Variants in ZNF185 observed in about 807,000 individuals in gnomAD.
ZNF185 encodes the protein zinc finger protein 185 with LIM domain.
Under a neutral mutation model 58.6 loss-of-function variants are expected in ZNF185, and 56 were observed. That is an observed-to-expected ratio of 0.95 (90% CI 0.77 to 1.19). The LOEUF (loss-of-function observed/expected upper bound fraction) is 1.19, where lower values mean the gene tolerates loss of function less well. ZNF185 is among the 50% of genes most tolerant of loss of function. The pLI, the probability that ZNF185 is intolerant of heterozygous loss-of-function variation, is 0.00. For synonymous variants in ZNF185, 230 were observed against 215.9 expected (o/e 1.07, Z -0.57); for missense variants, 627 against 573.5 (o/e 1.09, Z -0.95).
upstream of ZNF185, among the ~76,000 whole-genome samples, chrX:152,912,937 G>A (rs905238699): frequency 8.9e-6 from 1 of 112,974 alleles, no homozygotes; most frequent in Non-Finnish European, 1.9e-5. Flanking sequence ...GGCTGGGCAC[G>A]CGGGGCTCCC....
chrX:152,928,352 T>C (rs782689103), intron 11 of ZNF185, among the ~76,000 whole-genome samples: 1 of 111,686 alleles, frequency 9.0e-6, no homozygotes, highest in Admixed American at 9.5e-5. Flanking sequence ...TTGCTGTGCC[T>C]GAGGGAGGGC....
At chrX:152,945,118 T>C (rs73244141) in intron 15 of ZNF185, 149 bp from the exon 18 acceptor site, 27 of 591,697 alleles carry the variant, frequency 4.6e-5, no homozygotes, top group African/African-American at 6.9e-5. Context: ...CTCCCTGGAA[T>C]TGGGGCTGTG....
At chrX:152,956,294 A>G (rs1376344084) in intron 16 of ZNF185, among the ~76,000 whole-genome samples, 1 of 112,039 alleles carries the variant, frequency 8.9e-6, no homozygotes, top group Middle Eastern at 4.2e-3. Flanking sequence ...CGAAGAGTCT[A>G]CTCACTTCAC....
chrX:152,922,618 T>G (rs1327643963), intron 10 of ZNF185, 102 bp from the exon 12 acceptor site: 1 of 776,677 alleles, frequency 1.3e-6, no homozygotes, highest in Non-Finnish European at 1.9e-6. Flanking sequence ...CATGCCATTG[T>G]CAGACTTGCT....
intron 15 of ZNF185, among the ~76,000 whole-genome samples, chrX:152,939,776 G>T (rs868981756): frequency 1.6e-4 from 8 of 49,847 alleles, no homozygotes; most frequent in East Asian, 8.4e-4. Context: ...AATCAGAGGT[G>T]TTTTTTTTTT....
rs1556915268 is a variant in ZNF185, at chrX:152,967,166, G to GCGT, written c.1801_1803dup (p.Val601dup). 3.3e-6 allele frequency: 4 copies of GCGT among 1,210,651 alleles called. No homozygotes were observed. Among genetic ancestry groups the GCGT allele is most frequent in the Admixed American group, 2.2e-5 (1 of 46,044 alleles). On this transcript the variant is annotated inframe_insertion and splice_region_variant. Coordinates refer to ENST00000449285, the Ensembl canonical transcript of ZNF185. ...CCTCTCCCCTATCAAACTCCCTGCAGCGTCAGCAGCATTGAGGACTCATTC... is the reference window on the plus strand; with the variant it reads ...CCTCTCCCCTATCAAACTCCCTGCAGCGTCGTCAGCAGCATTGAGGACTCATTC...
Position 152,946,391 on chromosome X carries a change from A to G in ZNF185, c.1409+927A>G, listed in dbSNP as rs3788743. The stretch of plus-strand genomic sequence containing the variant: ...AATTATTAATAGTTAGGTTATTTTT[A>G]GGGCCTAGCTCAACTGTTAGATAAC... On this transcript the variant is annotated intron_variant, in intron 16 of 22. Transcript: ENST00000449285. Among the ~76,000 whole-genome samples, 374 of 107,120 alleles carry G rather than the reference A, an allele frequency of 3.5e-3. 4 individuals carry two copies. In the East Asian group the frequency reaches 0.072, roughly 21 times the overall value. The allele number at this position is 107,120 out of a possible 115,157, so 93.0% of individuals were successfully genotyped here.
chrX:152,939,016 G>C (rs1254903529), intron 15 of ZNF185, among the ~76,000 whole-genome samples: 4 of 111,595 alleles, frequency 3.6e-5, no homozygotes, highest in African/African-American at 1.3e-4. Context: ...TGTTCCAAAG[G>C]ACAGAGTGGC....
intron 13 of ZNF185, 72 bp from the exon 15 acceptor site, chrX:152,932,801 C>T (rs1556878523): frequency 1.3e-6 from 1 of 786,264 alleles, no homozygotes; most frequent in Admixed American, 2.8e-5. Context: ...TTGAGGCCCA[C>T]TCTCATGGCA....
At chrX:152,918,895 C>T in intron 6 of ZNF185, 88 bp from the exon 8 acceptor site, 1 of 667,425 alleles carries the variant, frequency 1.5e-6, no homozygotes, top group Non-Finnish European at 2.4e-6. Context: ...GAGATATTGA[C>T]TTGCCTCGTC....
chrX:152,903,472 A>G, the ZNF185 span, among the ~76,000 whole-genome samples: 2 of 107,442 alleles, frequency 1.9e-5, no homozygotes, highest in South Asian at 8.5e-4. Flanking sequence ...TGCTGTGGAG[A>G]TTGGAGTGTG....
chrX:152,938,131 A>C, exon 15 of ZNF185: 1 of 1,186,050 alleles, frequency 8.4e-7, no homozygotes, highest in Non-Finnish European at 1.1e-6. Flanking sequence ...ACAGCACAGC[A>C]GCCCAGGAGG....
At chrX:152,928,716 G>A (rs1433555977) in intron 12 of ZNF185, 55 bp downstream of exon 13, 9 of 1,141,590 alleles carry the variant, frequency 7.9e-6, no homozygotes, top group Non-Finnish European at 9.5e-6. Context: ...AGAGATGGAA[G>A]CAGCAGCCTC....
intron 14 of ZNF185, among the ~76,000 whole-genome samples, chrX:152,933,386 TTGCTCC>T (rs2045923508): frequency 8.9e-6 from 1 of 112,320 alleles, no homozygotes; most frequent in Non-Finnish European, 1.9e-5. Flanking sequence ...AGGAGGCCCT[TTGCTCC>T]TGCTTTCTCC....
At chrX:152,918,118 C>T (rs782645620) in exon 6 of ZNF185, 2 of 1,196,998 alleles carry the variant, frequency 1.7e-6, no homozygotes, top group East Asian at 6.0e-5. Flanking sequence ...CCCTCCTCCT[C>T]TGGCTACAAG....
chrX:152,903,576 C>T, the ZNF185 span, among the ~76,000 whole-genome samples: 4 of 109,013 alleles, frequency 3.7e-5, no homozygotes, highest in African/African-American at 1.3e-4. Flanking sequence ...GGCTGAAGAC[C>T]ACATTGGTTC....
chrX:152,944,919 A>G (rs879148), intron 15 of ZNF185, among the ~76,000 whole-genome samples: 31,164 of 111,926 alleles, frequency 0.28, 2,982 homozygotes, highest in South Asian at 0.39. Flanking sequence ...GCTTGAGCCC[A>G]GGAGGCAGAG....
chrX:152,914,937 T>G, intron 2 of ZNF185, 104 bp downstream of exon 3: 1 of 1,064,027 alleles, frequency 9.4e-7, no homozygotes, highest in Non-Finnish European at 1.3e-6. Context: ...CATTCAGAGC[T>G]CCGCCAGGCC....
intron 11 of ZNF185, among the ~76,000 whole-genome samples, chrX:152,924,293 T>A (rs782794048): frequency 5.7e-4 from 63 of 109,664 alleles, no homozygotes; most frequent in African/African-American, 1.7e-3. Context: ...TTTTTTTTTT[T>A]AAATTTTTGT....
Sources: gnomAD v4.1 joint callset for allele counts (sites outside exome capture counted in the v4.1 genomes callset) on GRCh38, gnomAD v4.1.1 for gene constraint, MANE v1.5 for transcripts, NCBI Gene and HGNC (gene_info 2026-07-23, HGNC 2026-07-21) for gene names.